The following OPCML variants were observed in gnomAD, a reference collection of about 807,000 sequenced individuals.
The protein encoded by OPCML is opioid binding protein/cell adhesion molecule like.
A neutral mutation model predicts 37.8 loss-of-function variants in OPCML; 13 were observed. The observed-to-expected ratio is 0.34, with a 90% CI of 0.22 to 0.55. OPCML has a LOEUF of 0.55. Among genes scored for constraint, OPCML ranks in the 20% least tolerant of loss-of-function variants. The probability of loss-of-function intolerance (pLI) is 0.91; values close to 1 mark genes in which losing one functional copy is unlikely to be tolerated. For synonymous variants in OPCML, 176 were observed against 168.8 expected, an observed-to-expected ratio of 1.04 and a Z score of -0.33; for missense variants, 341 against 435.6, an observed-to-expected ratio of 0.78 and a Z score of 1.93.
At position 132,547,580 on chromosome 11, in the gene OPCML, G is replaced by A. The variant is rs140591032; in HGVS notation, c.380-18394C>T. On this transcript the variant is annotated intron_variant, in intron 3 of 7. Coordinates refer to ENST00000524381, the MANE Select transcript of OPCML (RefSeq NM_001012393.5). ...AGAGAACTTACAAATCTCACTCCAA[G>A]TATAGTGGCAAAGCCCTCATCAGAT... 6.7e-3 allele frequency among the ~76,000 whole-genome samples: 1,026 copies of A among 152,274 alleles called. 18 individuals carry two copies. Among genetic ancestry groups the A allele is most frequent in the African/African-American group, 0.023 (952 of 41,552 alleles).
intron 1 of OPCML, among the ~76,000 whole-genome samples, chr11:133,366,923 C>T (rs997921127): frequency 6.6e-6 from 1 of 152,244 alleles, no homozygotes; most frequent in Non-Finnish European, 1.5e-5. Context: ...CGGGACAACC[C>T]GAGCGTTCCC....
rs1008925810 is a variant in OPCML at position 133,177,617 on chromosome 11, G to A, written c.62-234607C>T. Among the ~76,000 whole-genome samples, 2 of 152,066 alleles carry A rather than the reference G, an allele frequency of 1.3e-5. No individual in the cohort carries two copies. The highest frequency in any genetic ancestry group is 2.9e-5 in the Non-Finnish European group (2 of 68,008). On this transcript the variant is annotated intron_variant, in intron 1 of 7. Transcript: ENST00000524381. This position sits in a 1 kb window ranked among gnomAD's most constrained non-coding sequence, Gnocchi z 5.0. ...TGAATACAACTCCAGTTCTGTACCC[G>A]ACCCTGCCCGGACTGCCCCATGGTG...
chr11:132,842,445 C>T (rs1210118296), intron 2 of OPCML, among the ~76,000 whole-genome samples: 1 of 152,202 alleles, frequency 6.6e-6, no homozygotes, highest in East Asian at 1.9e-4. Flanking sequence ...AAGGGCTAAA[C>T]AAACTTGGTT....
At chr11:133,262,474 C>T (rs897950048) in intron 1 of OPCML, among the ~76,000 whole-genome samples, 4 of 152,142 alleles carry the variant, frequency 2.6e-5, no homozygotes, top group Admixed American at 1.3e-4. Context: ...CTTTAACTCT[C>T]GCCATGGGAT....
intron 3 of OPCML, among the ~76,000 whole-genome samples, chr11:132,626,790 C>T (rs1939768505): frequency 6.4e-5 from 1 of 15,744 alleles, no homozygotes; most frequent in African/African-American, 2.5e-4. Context: ...CTCTGCTGTA[C>T]AGAACGGTTT....
intron 2 of OPCML, among the ~76,000 whole-genome samples, chr11:132,788,747 C>T (rs1000916727): frequency 6.6e-6 from 1 of 152,082 alleles, no homozygotes. Context: ...AAACACAAAC[C>T]GTTTGAGTAG....
rs551147527 is a variant in OPCML, at chr11:132,667,574, T to C, written c.147-10255A>G. 4.9e-4 allele frequency among the ~76,000 whole-genome samples: 75 copies of C among 152,198 alleles called. No individual in the cohort carries two copies. The South Asian group carries it at 0.016, about 32-fold the overall frequency. On this transcript the variant is annotated intron_variant, in intron 2 of 7. Transcript: ENST00000524381. Reference sequence around the variant, plus strand: ...AAGTTACAGGGAAAGTGAGAAAACATTAGATATAAAGTATATGAAGGAAAG... The same window carrying C: ...AAGTTACAGGGAAAGTGAGAAAACACTAGATATAAAGTATATGAAGGAAAG...
chr11:132,668,929 G>A (rs1358649317), intron 2 of OPCML, among the ~76,000 whole-genome samples: 2 of 152,020 alleles, frequency 1.3e-5, no homozygotes, highest in Non-Finnish European at 2.9e-5. Flanking sequence ...ATTTCCCTCT[G>A]AGGTTTATTT....
intron 1 of OPCML, among the ~76,000 whole-genome samples, chr11:133,428,332 C>T (rs536671983): frequency 6.6e-6 from 1 of 152,268 alleles, no homozygotes; most frequent in East Asian, 1.9e-4. Flanking sequence ...GGAAGACCAA[C>T]AGGCTAGTGA....
rs1447888544 is a variant in OPCML at position 132,753,929 on chromosome 11, AT to A, written c.147-96611del. ...CATCATGCACATCAACTTTAATTTTATCTCCTAGCAGGCAAAGAAAGAGGCA... is the reference window on the plus strand; with the variant it reads ...CATCATGCACATCAACTTTAATTTTACTCCTAGCAGGCAAAGAAAGAGGCA... On this transcript the variant is annotated intron_variant, in intron 2 of 7. Transcript: ENST00000524381. Among the ~76,000 whole-genome samples, 7 of 152,286 alleles carry A rather than the reference AT, an allele frequency of 4.6e-5. No individual in the cohort carries two copies. In the East Asian group the frequency reaches 9.7e-4, roughly 21 times the overall value.
intron 2 of OPCML, among the ~76,000 whole-genome samples, chr11:132,747,084 T>C (rs1318452996): frequency 6.6e-6 from 1 of 152,166 alleles, no homozygotes; most frequent in Non-Finnish European, 1.5e-5. Context: ...ATTACTATTA[T>C]TAGTTGATTT....
chr11:133,458,156 A>G lies in OPCML; in HGVS notation c.61+74108T>C, dbSNP rs572496811. ...GCAAGACTCCATCTTGAGAAAAAAT[A>G]TATATATACATATACATATATGTGT... On this transcript the variant is annotated intron_variant, in intron 1 of 7. Coordinates refer to ENST00000524381, the MANE Select transcript of OPCML (RefSeq NM_001012393.5). Among the ~76,000 whole-genome samples, 18 of 150,134 alleles carry G rather than the reference A, an allele frequency of 1.2e-4. No individual in the cohort carries two copies. In the East Asian group the frequency reaches 3.5e-3, roughly 29 times the overall value.
chr11:132,893,192 C>A (rs2136468053), intron 2 of OPCML, among the ~76,000 whole-genome samples: 1 of 151,890 alleles, frequency 6.6e-6, no homozygotes, highest in East Asian at 2.0e-4. Context: ...AAACTCCAGG[C>A]CTATGGTTGC....
chr11:132,462,356 T>G (rs940879273), intron 4 of OPCML, among the ~76,000 whole-genome samples: 3 of 152,190 alleles, frequency 2.0e-5, no homozygotes, highest in Non-Finnish European at 4.4e-5. Flanking sequence ...ACACCACCTT[T>G]CCTGAGGCTG....
intron 2 of OPCML, among the ~76,000 whole-genome samples, chr11:132,713,179 A>G (rs925026069): frequency 6.6e-6 from 1 of 151,998 alleles, no homozygotes; most frequent in South Asian, 2.1e-4. Flanking sequence ...AAGACACTTT[A>G]TCATGAAATT....
At chr11:133,295,725 C>T (rs1350582113) in intron 1 of OPCML, among the ~76,000 whole-genome samples, 2 of 152,176 alleles carry the variant, frequency 1.3e-5, no homozygotes, top group South Asian at 4.1e-4. Flanking sequence ...AGCTATTTTA[C>T]TACTCTATAA....
chr11:132,582,121 T>C (rs2096463332), intron 3 of OPCML, among the ~76,000 whole-genome samples: 1 of 149,184 alleles, frequency 6.7e-6, no homozygotes, highest in Admixed American at 6.7e-5. Context: ...TGTGTGTGTG[T>C]GTGTGTGTGT....
intron 2 of OPCML, among the ~76,000 whole-genome samples, chr11:132,843,090 TTC>T (rs1491249139): frequency 0.23 from 19,987 of 86,372 alleles, 1,504 homozygotes; most frequent in Non-Finnish European, 0.26. Flanking sequence ...TCCTTTTTCT[TTC>T]TTTTTTTTTT....
At chr11:132,492,188 T>C (rs961403075) in intron 4 of OPCML, among the ~76,000 whole-genome samples, 6 of 151,952 alleles carry the variant, frequency 3.9e-5, no homozygotes, top group African/African-American at 1.5e-4. Flanking sequence ...TTGAGACCCA[T>C]GGTAAAGATT....
Sources: allele counts gnomAD v4.1 joint callset (sites outside exome capture counted in the v4.1 genomes callset), GRCh38; gene constraint gnomAD v4.1.1; non-coding constraint Gnocchi (gnomAD v3.1); transcripts MANE v1.5; gene names NCBI Gene and HGNC (gene_info 2026-07-23, HGNC 2026-07-21).